Variants in CLDN10 observed in about 807,000 individuals in gnomAD.
The protein encoded by CLDN10 is claudin 10.
CLDN10 carries 15 observed loss-of-function variants against 22.9 expected under a neutral mutation model. That is an observed-to-expected ratio of 0.65 (90% CI 0.44 to 1.01). CLDN10 has a LOEUF of 1.01. CLDN10 is among the 50% of genes least tolerant of loss of function. The pLI, the probability that CLDN10 is intolerant of heterozygous loss-of-function variation, is 0.00. For missense variants in CLDN10, 247 were observed against 287.8 expected (o/e 0.86, Z 1.03); for synonymous variants, 114 against 111.4 (o/e 1.02, Z -0.15).
At chr13:95,445,091 G>A (rs1170922846) in intron 1 of CLDN10, among the ~76,000 whole-genome samples, 2 of 152,216 alleles carry the variant, frequency 1.3e-5, no homozygotes, top group African/African-American at 4.8e-5. Flanking sequence ...ACTCCCATCT[G>A]TTAAATGGAA....
In CLDN10 at chr13:95,566,978, A is replaced by G. The variant is rs148750820; in HGVS notation, c.464+6515A>G. On this transcript the variant is annotated intron_variant, in intron 3 of 4. Coordinates refer to ENST00000299339, the MANE Select transcript of CLDN10 (RefSeq NM_006984.5). ...GGCCTCTGTTCTGTTCCATTGGTCT[A>G]TATATCTGTTTTGTTATTAGTACCC... Among the ~76,000 whole-genome samples, 351 of 152,222 alleles carry G rather than the reference A, an allele frequency of 2.3e-3. 2 individuals are homozygous for G. Among genetic ancestry groups the G allele is most frequent in the Non-Finnish European group, 4.3e-4 (29 of 68,022 alleles).
chr13:95,547,299 C>G (rs777647082), intron 1 of CLDN10, among the ~76,000 whole-genome samples: 3 of 152,266 alleles, frequency 2.0e-5, no homozygotes, highest in Non-Finnish European at 2.9e-5. Context: ...TGGTTTCCCT[C>G]CCTCTGCCCT....
chr13:95,542,670 G>T (rs1858429730), intron 1 of CLDN10, among the ~76,000 whole-genome samples: 1 of 151,676 alleles, frequency 6.6e-6, no homozygotes, highest in Non-Finnish European at 1.5e-5. Context: ...AGCTGGGCAT[G>T]GTGGCGCACG....
upstream of CLDN10, among the ~76,000 whole-genome samples, chr13:95,550,985 C>A (rs2043558870): frequency 6.6e-6 from 1 of 151,914 alleles, no homozygotes; most frequent in African/African-American, 2.4e-5. Flanking sequence ...GGAGATACTT[C>A]TTAAACTCAG....
chr13:95,564,719 C>T (rs1049891583), intron 3 of CLDN10, among the ~76,000 whole-genome samples: 1 of 152,196 alleles, frequency 6.6e-6, no homozygotes, highest in Non-Finnish European at 1.5e-5. Flanking sequence ...CCTATACATT[C>T]CTGCTATATG....
chr13:95,452,661 A>G (rs1311827472), intron 1 of CLDN10, among the ~76,000 whole-genome samples: 1 of 152,234 alleles, frequency 6.6e-6, no homozygotes, highest in African/African-American at 2.4e-5. Context: ...AGGTAAACAT[A>G]AAGTACCATT....
At chr13:95,552,510 C>T (rs894755934), upstream of CLDN10, among the ~76,000 whole-genome samples, 3 of 151,800 alleles carry the variant, frequency 2.0e-5, no homozygotes, top group Non-Finnish European at 4.4e-5. Flanking sequence ...CTCCCGCACG[C>T]GGGCGCGGGC....
chr13:95,438,975 CAAAAA>C (rs397851895), intron 1 of CLDN10, among the ~76,000 whole-genome samples: 14,155 of 61,942 alleles, frequency 0.23, 801 homozygotes, highest in South Asian at 0.48. Context: ...GACTCCATCG[CAAAAA>C]AAAAAAAAAA....
Position 95,510,057 on chromosome 13 carries a change from C to CA in CLDN10, c.215-50072dup, listed in dbSNP as rs201860818. On this transcript the variant is annotated intron_variant, in intron 1 of 4. Transcript: ENST00000376873. ...ACCAATGTGTTGTCATTCACTTCCC[C>CA]AAATTGCAACGGGAAAGCTCTCTTG... Among the ~76,000 whole-genome samples, 1,434 of 152,320 alleles carry CA rather than the reference C, an allele frequency of 9.4e-3. 30 individuals are homozygous for CA. The highest frequency in any genetic ancestry group is 0.033 in the African/African-American group (1,365 of 41,556).
At chr13:95,435,476 G>A (rs2042259187) in intron 1 of CLDN10, among the ~76,000 whole-genome samples, 1 of 152,164 alleles carries the variant, frequency 6.6e-6, no homozygotes, top group Admixed American at 6.6e-5. Context: ...GATTTCTAAT[G>A]ACAATCAAAA....
intron 3 of CLDN10, among the ~76,000 whole-genome samples, chr13:95,568,504 C>T (rs547513481): frequency 1.3e-4 from 20 of 152,240 alleles, no homozygotes; most frequent in African/African-American, 4.8e-4. Flanking sequence ...CCCATTGCTC[C>T]TCTCCTTTTC....
chr13:95,449,751 TTTTTC>T (rs1159125258), intron 1 of CLDN10, among the ~76,000 whole-genome samples: 2 of 149,842 alleles, frequency 1.3e-5, no homozygotes, highest in Non-Finnish European at 1.5e-5. Context: ...TTTTTTTTTT[TTTTTC>T]TTTTTGAGGC....
chr13:95,505,004 G>C (rs189726845), intron 1 of CLDN10, among the ~76,000 whole-genome samples: 58 of 152,198 alleles, frequency 3.8e-4, no homozygotes, highest in Non-Finnish European at 6.9e-4. Flanking sequence ...ACTCAAGAAC[G>C]TTTAACTATT....
chr13:95,553,709 G>A (rs1013361088), intron 1 of CLDN10, among the ~76,000 whole-genome samples: 3 of 152,212 alleles, frequency 2.0e-5, no homozygotes, highest in Non-Finnish European at 4.4e-5. Context: ...CTGCATCCGA[G>A]TCCCCGGTGC....
rs779373596 is a variant in CLDN10, at chr13:95,552,844, A to G, written c.91A>G (p.Lys31Glu). The G allele has an allele frequency of 8.1e-6, 13 of 1,614,070 alleles. No individual in the cohort carries two copies. Among genetic ancestry groups the G allele is most frequent in the Non-Finnish European group, 1.1e-5 (13 of 1,179,978 alleles). ...CTCCACGCTGCCCACCGACTACTGGAAGGTGTCTACCATCGACGGCACGGT... is the reference window on the plus strand; with the variant it reads ...CTCCACGCTGCCCACCGACTACTGGGAGGTGTCTACCATCGACGGCACGGT... ...VSSTLPTDYW[K>E]VSTIDGTVIT... Residue 31 changes from lysine (K) to glutamate (E), a missense_variant, in exon 1 of 5, where the codon AAG becomes GAG. By Grantham distance (56) the Lys-to-Glu change is moderately conservative (BLOSUM62 1). Coordinates refer to ENST00000299339, the MANE Select transcript of CLDN10 (RefSeq NM_006984.5).
chr13:95,468,079 T>C (rs2042597011), intron 1 of CLDN10, among the ~76,000 whole-genome samples: 1 of 152,148 alleles, frequency 6.6e-6, no homozygotes, highest in Non-Finnish European at 1.5e-5. Context: ...CACAGAAACA[T>C]CCAGAATAAT....
chr13:95,438,934 G>A (rs1316447522), intron 1 of CLDN10, among the ~76,000 whole-genome samples: 1 of 137,136 alleles, frequency 7.3e-6, no homozygotes, highest in Non-Finnish European at 1.5e-5. Context: ...AGCCAAGATC[G>A]AGCTGCACTC....
intron 3 of CLDN10, among the ~76,000 whole-genome samples, chr13:95,563,834 G>T (rs567026557): frequency 2.0e-5 from 3 of 152,174 alleles, no homozygotes; most frequent in African/African-American, 7.2e-5. Context: ...CTTGGTTTCC[G>T]TTTATCAACA....
upstream of CLDN10, among the ~76,000 whole-genome samples, chr13:95,550,472 G>T (rs2138637740): frequency 6.6e-6 from 1 of 152,300 alleles, no homozygotes; most frequent in Non-Finnish European, 1.5e-5. Flanking sequence ...AATTTAGTGA[G>T]TATCTACCAT....
Sources: allele counts gnomAD v4.1 joint callset (sites outside exome capture counted in the v4.1 genomes callset), GRCh38; gene constraint gnomAD v4.1.1; transcripts MANE v1.5; gene names NCBI Gene and HGNC (gene_info 2026-07-23, HGNC 2026-07-21).